QTMAN: variants seen among roughly 807,000 people sequenced by gnomAD.
The protein encoded by QTMAN is tRNA-queuosine alpha-mannosyltransferase.
At chr2:144,165,120 C>T in the QTMAN span, among the ~76,000 whole-genome samples, 2 of 152,040 alleles carry the variant, frequency 1.3e-5, no homozygotes, top group African/African-American at 2.4e-5. Flanking sequence ...GACTGTAATC[C>T]CAGCACTTTG....
the QTMAN span, among the ~76,000 whole-genome samples, chr2:144,320,934 A>C: frequency 6.6e-6 from 1 of 152,290 alleles, no homozygotes; most frequent in African/African-American, 2.4e-5. Flanking sequence ...CTGGCCAAAG[A>C]CTTGTTCAAC....
chr2:144,173,470 GCAA>G, the QTMAN span, among the ~76,000 whole-genome samples: 5 of 152,208 alleles, frequency 3.3e-5, no homozygotes, highest in South Asian at 4.1e-4. Context: ...TGGCCTCTGG[GCAA>G]CAACAAGTCA....
the QTMAN span, chr2:144,145,425 A>G: frequency 1.9e-6 from 1 of 526,664 alleles, no homozygotes; most frequent in East Asian, 3.0e-5. Context: ...CATATACTGC[A>G]GAAGGAAGAA....
the QTMAN span, among the ~76,000 whole-genome samples, chr2:144,308,893 T>C: frequency 6.6e-5 from 10 of 152,286 alleles, no homozygotes; most frequent in Admixed American, 2.6e-4. Flanking sequence ...TATCTAGATA[T>C]ACAAAGATAT....
At chr2:144,166,543 C>T in the QTMAN span, among the ~76,000 whole-genome samples, 5 of 152,190 alleles carry the variant, frequency 3.3e-5, no homozygotes, top group Admixed American at 2.6e-4. Context: ...AATGCATATA[C>T]ACACACATAC....
At chr2:144,184,533 A>G in the QTMAN span, among the ~76,000 whole-genome samples, 126 of 152,308 alleles carry the variant, frequency 8.3e-4, 1 homozygote, top group African/African-American at 2.9e-3. Flanking sequence ...TATTAAAAGA[A>G]TATTTGAACA....
the QTMAN span, among the ~76,000 whole-genome samples, chr2:144,229,317 G>A: frequency 6.6e-6 from 1 of 152,152 alleles, no homozygotes; most frequent in East Asian, 1.9e-4. Flanking sequence ...TACTTGTTCT[G>A]CCTTTTTTGT....
At chr2:144,134,936 T>A in the QTMAN span, among the ~76,000 whole-genome samples, 1 of 152,112 alleles carries the variant, frequency 6.6e-6, no homozygotes, top group African/African-American at 2.4e-5. Flanking sequence ...TTTTCCATAA[T>A]GGGACAGAGA....
the QTMAN span, among the ~76,000 whole-genome samples, chr2:144,262,091 G>C: frequency 6.6e-6 from 1 of 152,108 alleles, no homozygotes; most frequent in Non-Finnish European, 1.5e-5. Flanking sequence ...TTCTCCCACA[G>C]AATGGAAATG....
chr2:144,243,041 G>T, the QTMAN span, among the ~76,000 whole-genome samples: 1 of 149,226 alleles, frequency 6.7e-6, no homozygotes, highest in African/African-American at 2.5e-5. Context: ...CACAAATGGA[G>T]TAACCCCAGT....
At chr2:144,312,244 G>C in the QTMAN span, among the ~76,000 whole-genome samples, 5 of 144,708 alleles carry the variant, frequency 3.5e-5, no homozygotes, top group Non-Finnish European at 7.5e-5. Flanking sequence ...GCTGGCCATA[G>C]ACTCCTGGGC....
chr2:143,996,340 T>A, the QTMAN span, among the ~76,000 whole-genome samples: 1 of 152,106 alleles, frequency 6.6e-6, no homozygotes, highest in African/African-American at 2.4e-5. Context: ...ATTACATTTA[T>A]TGGCTAAGAA....
chr2:144,238,945 T>C, the QTMAN span, among the ~76,000 whole-genome samples: 1 of 152,110 alleles, frequency 6.6e-6, no homozygotes, highest in Admixed American at 6.6e-5. Flanking sequence ...GAAACTTTAA[T>C]GATAACAAGA....
the QTMAN span, among the ~76,000 whole-genome samples, chr2:144,097,211 T>C: frequency 6.6e-6 from 1 of 152,236 alleles, no homozygotes. Flanking sequence ...TTCACAGTAT[T>C]ATGTTCTATC....
chr2:143,945,804 T>C, the QTMAN span: 1 of 152,234 alleles, frequency 6.6e-6, no homozygotes, highest in African/African-American at 2.4e-5. Context: ...TCAACAGACT[T>C]TACCTTAATG....
chr2:144,021,863 G>A, the QTMAN span, among the ~76,000 whole-genome samples: 1 of 152,062 alleles, frequency 6.6e-6, no homozygotes. Context: ...AATAGGGTGA[G>A]GGAAAATGTG....
chr2:144,173,410 G>A, the QTMAN span, among the ~76,000 whole-genome samples: 124 of 152,326 alleles, frequency 8.1e-4, no homozygotes, highest in South Asian at 4.4e-3. Context: ...TGCTGGCTTT[G>A]AGGATGTAGG....
chr2:144,293,949 T>C, the QTMAN span, among the ~76,000 whole-genome samples: 1 of 152,336 alleles, frequency 6.6e-6, no homozygotes, highest in East Asian at 1.9e-4. Flanking sequence ...GGCTCTATTT[T>C]ATAAGTACAT....
At chr2:144,030,738 C>T in the QTMAN span, among the ~76,000 whole-genome samples, 1 of 152,022 alleles carries the variant, frequency 6.6e-6, no homozygotes, top group African/African-American at 2.4e-5. Flanking sequence ...TCAAGAGAGA[C>T]AGGGAGAAAG....
Sources: allele counts gnomAD v4.1 joint callset (sites outside exome capture counted in the v4.1 genomes callset), GRCh38; gene constraint gnomAD v4.1.1; transcripts MANE v1.5; gene names NCBI Gene and HGNC (gene_info 2026-07-23, HGNC 2026-07-21).